CNTN5: variants seen among roughly 807,000 people sequenced by gnomAD.
The protein encoded by CNTN5 is contactin 5.
Under a neutral mutation model 129.1 loss-of-function variants are expected in CNTN5, and 77 were observed. The observed-to-expected ratio is 0.60, with a 90% CI of 0.50 to 0.72. The LOEUF (loss-of-function observed/expected upper bound fraction) is 0.72, where lower values mean the gene tolerates loss of function less well. Ranked by LOEUF, CNTN5 falls within the 30% of genes least tolerant of loss-of-function variation. The pLI, the probability that CNTN5 is intolerant of heterozygous loss-of-function variation, is 0.00. For missense variants in CNTN5, 1,478 were observed against 1,328.8 expected (o/e 1.11, Z -1.75); for synonymous variants, 509 against 465.6 (o/e 1.09, Z -1.20).
intron 2 of CNTN5, among the ~76,000 whole-genome samples, chr11:99,498,931 G>A (rs2135376240): frequency 6.6e-6 from 1 of 152,296 alleles, no homozygotes; most frequent in African/African-American, 2.4e-5. Context: ...TCTAGGAGAT[G>A]GAGGTTTGTT....
intron 3 of CNTN5, among the ~76,000 whole-genome samples, chr11:99,817,294 G>A (rs1280563597): frequency 6.6e-6 from 1 of 152,166 alleles, no homozygotes; most frequent in Non-Finnish European, 1.5e-5. Context: ...TGATGAAAAG[G>A]GAATCTTTAC....
intron 3 of CNTN5, among the ~76,000 whole-genome samples, chr11:99,669,276 G>A (rs1952931327): frequency 6.6e-6 from 1 of 152,078 alleles, no homozygotes; most frequent in African/African-American, 2.4e-5. Flanking sequence ...ATAAAAGATT[G>A]AGTCCTGAAA....
intron 8 of CNTN5, among the ~76,000 whole-genome samples, chr11:99,978,806 ACAGCTTCC>A (rs1315506014): frequency 7.9e-5 from 12 of 152,328 alleles, no homozygotes. Context: ...TTGTACTGAG[ACAGCTTCC>A]CAAAGAGGAA....
intron 7 of CNTN5, among the ~76,000 whole-genome samples, chr11:99,934,872 CTGTGTG>C (rs369560126): frequency 6.0e-5 from 3 of 50,118 alleles, no homozygotes; most frequent in South Asian, 1.1e-3. Context: ...GAGACTCAGT[CTGTGTG>C]TGTGTGTGTG....
intron 1 of CNTN5, among the ~76,000 whole-genome samples, chr11:99,164,882 AAG>A (rs1225651614): frequency 1.3e-5 from 2 of 152,138 alleles, no homozygotes; most frequent in Non-Finnish European, 2.9e-5. Flanking sequence ...TAAGATGAGA[AAG>A]AGCTCTCGCT....
At chr11:99,159,649 T>C (rs1860509168) in intron 1 of CNTN5, among the ~76,000 whole-genome samples, 1 of 152,002 alleles carries the variant, frequency 6.6e-6, no homozygotes. Flanking sequence ...ACAAATAAAG[T>C]ATAGTAATCT....
chr11:99,177,464 G>C (rs1483240080), intron 1 of CNTN5, among the ~76,000 whole-genome samples: 1 of 152,208 alleles, frequency 6.6e-6, no homozygotes, highest in Non-Finnish European at 1.5e-5. Flanking sequence ...ATCTGAAGCA[G>C]ATAAGGTGGA....
chr11:99,641,374 C>T (rs996122743), intron 3 of CNTN5, among the ~76,000 whole-genome samples: 3 of 151,074 alleles, frequency 2.0e-5, no homozygotes, highest in Non-Finnish European at 4.4e-5. Context: ...TTTATAATAC[C>T]TCAATTCTAG....
At chr11:99,737,229 A>G (rs568677189) in intron 3 of CNTN5, among the ~76,000 whole-genome samples, 1 of 152,042 alleles carries the variant, frequency 6.6e-6, no homozygotes, top group African/African-American at 2.4e-5. Context: ...CTTACCATGA[A>G]TTTCTTTACC....
intron 13 of CNTN5, among the ~76,000 whole-genome samples, chr11:100,104,901 C>A (rs1444402697): frequency 6.6e-6 from 1 of 152,082 alleles, no homozygotes; most frequent in Non-Finnish European, 1.5e-5. Context: ...GTATTTTTCA[C>A]AAATTTTGCA....
At chr11:99,448,256 A>G (rs1045037527) in intron 2 of CNTN5, among the ~76,000 whole-genome samples, 1 of 152,196 alleles carries the variant, frequency 6.6e-6, no homozygotes, top group Admixed American at 6.5e-5. Context: ...TGAAAGACCC[A>G]CAAAATAATA....
chr11:99,307,428 C>G (rs1182912628), intron 1 of CNTN5, among the ~76,000 whole-genome samples: 1 of 152,084 alleles, frequency 6.6e-6, no homozygotes, highest in Non-Finnish European at 1.5e-5. Flanking sequence ...ACCTGGTGAA[C>G]AGTCTAAAGA....
intron 1 of CNTN5, among the ~76,000 whole-genome samples, chr11:99,211,144 A>G (rs1859758409): frequency 6.6e-6 from 1 of 151,988 alleles, no homozygotes. Flanking sequence ...TGATCGTAAA[A>G]TGTCCCTTTT....
intron 2 of CNTN5, among the ~76,000 whole-genome samples, chr11:99,340,306 G>C (rs1293430174): frequency 1.3e-5 from 2 of 152,144 alleles, no homozygotes; most frequent in East Asian, 3.9e-4. Flanking sequence ...GGAGTATAAG[G>C]AAGCTGAGTT....
At chr11:100,273,021 A>G (rs547358631) in intron 18 of CNTN5, among the ~76,000 whole-genome samples, 287 of 152,190 alleles carry the variant, frequency 1.9e-3, no homozygotes, top group Non-Finnish European at 2.2e-3. Flanking sequence ...CCCTAGGGGA[A>G]CTTTCTGTCT....
intron 1 of CNTN5, among the ~76,000 whole-genome samples, chr11:99,055,219 G>A (rs897423382): frequency 6.6e-6 from 1 of 151,938 alleles, no homozygotes; most frequent in Non-Finnish European, 1.5e-5. Flanking sequence ...GCTTCACAGA[G>A]AACAAATATA....
At chr11:100,129,682 A>G (rs1249068996) in intron 13 of CNTN5, among the ~76,000 whole-genome samples, 2 of 152,158 alleles carry the variant, frequency 1.3e-5, no homozygotes, top group East Asian at 3.9e-4. Flanking sequence ...CCAAAAAAAT[A>G]AATAGCTAAA....
intron 3 of CNTN5, among the ~76,000 whole-genome samples, chr11:99,615,011 A>G (rs964040922): frequency 2.0e-5 from 3 of 149,600 alleles, no homozygotes; most frequent in Non-Finnish European, 3.0e-5. Flanking sequence ...AAGTAATACT[A>G]TATCTATTTT....
intron 16 of CNTN5, among the ~76,000 whole-genome samples, chr11:100,227,240 C>CT (rs1949396078): frequency 6.6e-6 from 1 of 152,026 alleles, no homozygotes; most frequent in Non-Finnish European, 1.5e-5. Flanking sequence ...ACGGGAACAA[C>CT]TTTTTTATTG....
Sources: gnomAD v4.1 joint callset for allele counts (sites outside exome capture counted in the v4.1 genomes callset) on GRCh38, gnomAD v4.1.1 for gene constraint, MANE v1.5 for transcripts, NCBI Gene and HGNC (gene_info 2026-07-23, HGNC 2026-07-21) for gene names.